Variants in PDE1A observed in about 807,000 individuals in gnomAD.
PDE1A encodes dual specificity calcium/calmodulin-dependent 3',5'-cyclic nucleotide phosphodiesterase 1A.
In PDE1A, 35 loss-of-function variants were observed where a neutral mutation model predicts 61.7. That is an observed-to-expected ratio of 0.57 (90% CI 0.43 to 0.75). PDE1A has a LOEUF of 0.75. PDE1A is among the 30% of genes least tolerant of loss of function. The pLI is 0.00. For synonymous variants in PDE1A, 232 were observed against 213.2 expected, an observed-to-expected ratio of 1.09 and a Z score of -0.77; for missense variants, 597 against 630.6, an observed-to-expected ratio of 0.95 and a Z score of 0.57.
At chr2:182,393,150 A>G (rs1269796512) in intron 1 of PDE1A, among the ~76,000 whole-genome samples, 1 of 152,214 alleles carries the variant, frequency 6.6e-6, no homozygotes, top group African/African-American at 2.4e-5. Context: ...CTGGACATCC[A>G]AGCATTTCCA....
chr2:182,254,445 G>C (rs1166630713), intron 2 of PDE1A, among the ~76,000 whole-genome samples: 2 of 151,978 alleles, frequency 1.3e-5, no homozygotes, highest in Non-Finnish European at 2.9e-5. Flanking sequence ...ATTTCCTCAG[G>C]GACTTTTCCA....
chr2:182,205,853 G>T, intron 8 of PDE1A, 87 bp downstream of exon 8: 2 of 1,204,694 alleles, frequency 1.7e-6, no homozygotes, highest in Non-Finnish European at 2.3e-6. Flanking sequence ...GGAATGCATC[G>T]ACTTTCATCT....
chr2:182,145,136 T>C (rs528203340), downstream of PDE1A, among the ~76,000 whole-genome samples: 8 of 152,340 alleles, frequency 5.3e-5, no homozygotes, highest in African/African-American at 1.9e-4. Context: ...AGTAAAGATA[T>C]TCCAACAATT....
chr2:182,682,323 G>A, the PDE1A span, among the ~76,000 whole-genome samples: 3 of 152,142 alleles, frequency 2.0e-5, no homozygotes, highest in African/African-American at 7.2e-5. Context: ...CTAAAAGTAG[G>A]GGTTTATATA....
the PDE1A span, among the ~76,000 whole-genome samples, chr2:182,564,753 T>C: frequency 6.6e-6 from 1 of 152,186 alleles, no homozygotes. Context: ...TGTTCGTTTC[T>C]TTTTATTCTT....
chr2:182,450,684 G>A (rs1685451050), intron 2 of PDE1A, among the ~76,000 whole-genome samples: 1 of 151,552 alleles, frequency 6.6e-6, no homozygotes, highest in South Asian at 2.1e-4. Context: ...TTTCCAAAGA[G>A]CCATGCTTTG....
chr2:182,452,076 T>C (rs1685564752), intron 2 of PDE1A, among the ~76,000 whole-genome samples: 1 of 151,994 alleles, frequency 6.6e-6, no homozygotes. Context: ...AAATATATAA[T>C]ATGTCCATTT....
intron 8 of PDE1A, among the ~76,000 whole-genome samples, chr2:182,205,360 G>A (rs1574684902): frequency 6.6e-6 from 1 of 152,036 alleles, no homozygotes; most frequent in Non-Finnish European, 1.5e-5. Flanking sequence ...GAGAAGAAAG[G>A]TTATAAGAGG....
At chr2:182,460,319 T>C (rs1305987723) in intron 2 of PDE1A, among the ~76,000 whole-genome samples, 2 of 152,150 alleles carry the variant, frequency 1.3e-5, no homozygotes, top group South Asian at 2.1e-4. Context: ...CAAGCCTCAC[T>C]TCCCCAGTGT....
At chr2:182,322,771 A>G (rs1405216661) in intron 1 of PDE1A, among the ~76,000 whole-genome samples, 3 of 152,108 alleles carry the variant, frequency 2.0e-5, no homozygotes, top group African/African-American at 4.8e-5. Context: ...TTTGTAGAAC[A>G]CTCCAGTGAT....
chr2:182,542,171 T>C, the PDE1A span, among the ~76,000 whole-genome samples: 2 of 152,184 alleles, frequency 1.3e-5, no homozygotes, highest in Non-Finnish European at 2.9e-5. Context: ...TATTATTTTA[T>C]ACATCTATAC....
chr2:182,543,525 G>A, the PDE1A span, among the ~76,000 whole-genome samples: 12 of 152,134 alleles, frequency 7.9e-5, no homozygotes, highest in Admixed American at 7.2e-4. Flanking sequence ...AGGAACAGGG[G>A]ATGCCTACAT....
At chr2:182,376,208 T>A (rs1354112395) in intron 1 of PDE1A, among the ~76,000 whole-genome samples, 1 of 152,248 alleles carries the variant, frequency 6.6e-6, no homozygotes, top group Non-Finnish European at 1.5e-5. Context: ...GGGATTTTCC[T>A]TCCTATTGCA....
chr2:182,247,589 C>T (rs368271581), intron 2 of PDE1A, among the ~76,000 whole-genome samples: 160 of 152,246 alleles, frequency 1.1e-3, no homozygotes, highest in Non-Finnish European at 8.1e-4. Flanking sequence ...TGTCTTCTTC[C>T]GTCTGATCAA....
the PDE1A span, among the ~76,000 whole-genome samples, chr2:182,613,525 T>C: frequency 6.6e-6 from 1 of 150,752 alleles, no homozygotes; most frequent in Non-Finnish European, 1.5e-5. Context: ...ATTGCTCCAC[T>C]GTACTCCAGC....
chr2:182,157,056 C>G (rs1324732752), intron 13 of PDE1A, among the ~76,000 whole-genome samples: 1 of 149,152 alleles, frequency 6.7e-6, no homozygotes, highest in African/African-American at 2.5e-5. Flanking sequence ...GCTCTGTCAC[C>G]CAGGCTGGAG....
At chr2:182,451,691 C>T (rs983469188) in intron 2 of PDE1A, among the ~76,000 whole-genome samples, 5 of 152,076 alleles carry the variant, frequency 3.3e-5, no homozygotes, top group Non-Finnish European at 7.4e-5. Context: ...ATAACCTATA[C>T]TCTAGTTGCT....
chr2:182,684,190 A>T, the PDE1A span, among the ~76,000 whole-genome samples: 194 of 152,068 alleles, frequency 1.3e-3, no homozygotes, highest in African/African-American at 4.4e-3. Flanking sequence ...CCTAAAAAAA[A>T]TTATATAAAA....
chr2:182,370,805 GA>G (rs1222732079), intron 1 of PDE1A, among the ~76,000 whole-genome samples: 2 of 152,160 alleles, frequency 1.3e-5, no homozygotes, highest in African/African-American at 4.8e-5. Flanking sequence ...TGTTGAAACA[GA>G]AAAGTTATGG....
Sources: gnomAD v4.1 joint callset for allele counts (sites outside exome capture counted in the v4.1 genomes callset) on GRCh38, gnomAD v4.1.1 for gene constraint, MANE v1.5 for transcripts, NCBI Gene and HGNC (gene_info 2026-07-23, HGNC 2026-07-21) for gene names.